ASAP1: variants seen among roughly 807,000 people sequenced by gnomAD.
ASAP1 encodes the protein arf-GAP with SH3 domain, ANK repeat and PH domain-containing protein 1.
Under a neutral mutation model 145.2 loss-of-function variants are expected in ASAP1, and 43 were observed. That is an observed-to-expected ratio of 0.30 (90% CI 0.23 to 0.38). The LOEUF (loss-of-function observed/expected upper bound fraction) is 0.38, where lower values mean the gene tolerates loss of function less well. Ranked by LOEUF, ASAP1 falls within the 10% of genes least tolerant of loss-of-function variation. The probability of loss-of-function intolerance (pLI) is 1.00; values close to 1 mark genes in which losing one functional copy is unlikely to be tolerated. For missense variants in ASAP1, 1,018 were observed against 1,355.3 expected (o/e 0.75, Z 3.91); for synonymous variants, 546 against 515.5 (o/e 1.06, Z -0.80).
At chr8:130,176,296 C>T (rs1377164353) in intron 9 of ASAP1, among the ~76,000 whole-genome samples, 1 of 152,130 alleles carries the variant, frequency 6.6e-6, no homozygotes, top group African/African-American at 2.4e-5. Context: ...AAACAAAAAA[C>T]ACCTACGTAG....
At chr8:130,365,604 G>A (rs1826913262) in intron 2 of ASAP1, among the ~76,000 whole-genome samples, 1 of 152,144 alleles carries the variant, frequency 6.6e-6, no homozygotes, top group Non-Finnish European at 1.5e-5. Flanking sequence ...CTTTAATGAT[G>A]CCCAACTTCT....
At chr8:130,439,634 T>A (rs1212600535) in intron 1 of ASAP1, among the ~76,000 whole-genome samples, 1 of 151,250 alleles carries the variant, frequency 6.6e-6, no homozygotes, top group Non-Finnish European at 1.5e-5. Flanking sequence ...CACAGGGACT[T>A]AAGAGTAGGG....
intron 13 of ASAP1, among the ~76,000 whole-genome samples, chr8:130,142,512 A>T (rs1349141537): frequency 6.6e-6 from 1 of 152,232 alleles, no homozygotes; most frequent in Non-Finnish European, 1.5e-5. Flanking sequence ...TTCCAAGCAC[A>T]TCTGAGAAAC....
At chr8:130,357,787 A>G (rs1826421283) in intron 3 of ASAP1, among the ~76,000 whole-genome samples, 1 of 152,222 alleles carries the variant, frequency 6.6e-6, no homozygotes, top group Admixed American at 6.5e-5. Flanking sequence ...CAGCTCGCTC[A>G]GTCCTCTCCC....
chr8:130,104,909 T>C (rs113912757), intron 24 of ASAP1, among the ~76,000 whole-genome samples: 2,928 of 152,252 alleles, frequency 0.019, 95 homozygotes, highest in African/African-American at 0.065. Context: ...CTTGACAGTT[T>C]CTGAAAAAGT....
At position 130,053,379 on chromosome 8, in the gene ASAP1, C is replaced by T. The variant is rs1201984651; in HGVS notation, c.*1352G>A. The T allele has an allele frequency of 6.6e-6, 1 of 152,180 alleles. No individual in the cohort carries two copies. Among genetic ancestry groups the T allele is most frequent in the African/African-American group, 2.4e-5 (1 of 41,428 alleles). 9.4% of individuals were successfully genotyped at this position (152,180 alleles called of 1,614,324 possible). A position where few individuals can be genotyped will look rare whatever the true frequency, so the allele number is the denominator to read the frequency against. ...ATTGCATTCTTTTCCAAAATTCAGA[C>T]TGATGTAAAAGACTGAAATACAATG... On this transcript the variant is annotated 3_prime_UTR_variant, in exon 30 of 30. Coordinates refer to ENST00000518721, the MANE Select transcript of ASAP1 (RefSeq NM_018482.4).
At chr8:130,367,080 C>T (rs770269658) in intron 2 of ASAP1, among the ~76,000 whole-genome samples, 4 of 151,408 alleles carry the variant, frequency 2.6e-5, no homozygotes, top group Non-Finnish European at 4.4e-5. Flanking sequence ...TTAGTAGAGA[C>T]GGGGTTTCAC....
intron 3 of ASAP1, among the ~76,000 whole-genome samples, chr8:130,282,206 CTA>C (rs1245052580): frequency 2.0e-5 from 3 of 152,234 alleles, no homozygotes; most frequent in African/African-American, 7.2e-5. Context: ...GCAGAAGTGT[CTA>C]AAATCCTGCA....
At chr8:130,379,341 G>A (rs576308982) in intron 2 of ASAP1, among the ~76,000 whole-genome samples, 2 of 152,248 alleles carry the variant, frequency 1.3e-5, no homozygotes, top group East Asian at 3.9e-4. Flanking sequence ...CCTGAGTTCT[G>A]ACGAGATCAA....
At chr8:130,266,139 A>G (rs546601816) in intron 3 of ASAP1, among the ~76,000 whole-genome samples, 2 of 152,286 alleles carry the variant, frequency 1.3e-5, no homozygotes, top group South Asian at 4.1e-4. Context: ...TACAATCTCA[A>G]TGAAAGGTGA....
intron 22 of ASAP1, among the ~76,000 whole-genome samples, chr8:130,116,367 C>A (rs1489320953): frequency 6.6e-6 from 1 of 152,200 alleles, no homozygotes; most frequent in Non-Finnish European, 1.5e-5. Flanking sequence ...TCAAATAATT[C>A]TTTACTATTA....
At chr8:130,216,040 A>C (rs963444191) in intron 4 of ASAP1, among the ~76,000 whole-genome samples, 7 of 137,626 alleles carry the variant, frequency 5.1e-5, no homozygotes, top group African/African-American at 2.1e-4. Flanking sequence ...AGGAAAAAGG[A>C]AAGGAAAAGA....
intron 3 of ASAP1, among the ~76,000 whole-genome samples, chr8:130,319,187 C>T (rs554701111): frequency 6.6e-6 from 1 of 152,318 alleles, no homozygotes; most frequent in Non-Finnish European, 1.5e-5. Flanking sequence ...AAGGAAGCTT[C>T]TGCAGCTAGA....
At chr8:130,275,974 C>T (rs1820857097) in intron 3 of ASAP1, among the ~76,000 whole-genome samples, 1 of 152,074 alleles carries the variant, frequency 6.6e-6, no homozygotes, top group African/African-American at 2.4e-5. Context: ...ACTTCATCAG[C>T]GGCTCCAAGA....
At chr8:130,139,055 G>C (rs1480527035) in intron 13 of ASAP1, among the ~76,000 whole-genome samples, 1 of 152,144 alleles carries the variant, frequency 6.6e-6, no homozygotes, top group Non-Finnish European at 1.5e-5. Context: ...CCAGTTAATG[G>C]TGAGAACAAC....
At chr8:130,072,830 C>CGCGCGCACGCGCGG (rs1448184178) in intron 27 of ASAP1, among the ~76,000 whole-genome samples, 1 of 31,922 alleles carries the variant, frequency 3.1e-5, no homozygotes, top group African/African-American at 2.0e-4. Context: ...TGTGTGCGCG[C>CGCGCGCACGCGCGG]GGGGGGGGGC....
chr8:130,106,655 T>C (rs769920690), intron 24 of ASAP1, among the ~76,000 whole-genome samples: 15 of 152,266 alleles, frequency 9.9e-5, no homozygotes, highest in Admixed American at 6.5e-5. Flanking sequence ...TTTCTGCTGT[T>C]GTTTATGCAT....
chr8:130,174,285 T>C (rs1813799215), intron 9 of ASAP1, among the ~76,000 whole-genome samples: 3 of 152,200 alleles, frequency 2.0e-5, no homozygotes, highest in African/African-American at 4.8e-5. Flanking sequence ...GATAAAAGTG[T>C]TGTTAGCTGG....
chr8:130,159,857 T>A lies in ASAP1; in HGVS notation c.1010+7A>T. ...ACACTGAGACACTGGGCTGGGCTCA[T>A]ACATACCCGTCACTTTTCTTTAGCA... On this transcript the variant is annotated splice_region_variant and intron_variant, in intron 12 of 29. Coordinates refer to ENST00000518721, the MANE Select transcript of ASAP1 (RefSeq NM_018482.4). 6.2e-7 allele frequency: 1 copy of A among 1,609,790 alleles called. No individual in the cohort carries two copies. Among genetic ancestry groups the A allele is most frequent in the Non-Finnish European group, 8.5e-7 (1 of 1,176,086 alleles).
Sources: gnomAD v4.1 joint callset for allele counts (sites outside exome capture counted in the v4.1 genomes callset) on GRCh38, gnomAD v4.1.1 for gene constraint, MANE v1.5 for transcripts, NCBI Gene and HGNC (gene_info 2026-07-23, HGNC 2026-07-21) for gene names.